GLA: variants seen among roughly 807,000 people sequenced by gnomAD.
GLA encodes the protein alpha-galactosidase A.
Under a neutral mutation model 28.2 loss-of-function variants are expected in GLA, and 4 were observed. The observed-to-expected ratio is 0.14, with a 90% confidence interval of 0.07 to 0.32. The LOEUF (loss-of-function observed/expected upper bound fraction) is 0.32. Among genes scored for constraint, GLA ranks in the 10% least tolerant of loss-of-function variants. GLA has a pLI of 1.00. For synonymous variants in GLA, 94 were observed against 113.0 expected (o/e 0.83, Z 1.07); for missense variants, 203 against 323.7 (o/e 0.63, Z 2.86).
chrX:101,398,962 T>A lies in GLA; in HGVS notation c.640-16A>T, dbSNP rs2071397. ...TATAATTGGGCTGTGAAAACAGATA[T>A]GACTCTTCTGTTTACTTTCTACTAA... On this transcript the variant is annotated splice_polypyrimidine_tract_variant and intron_variant, in intron 4 of 6. Coordinates refer to ENST00000218516, the MANE Select transcript of GLA (RefSeq NM_000169.3). 8 of 1,182,778 alleles carry A rather than the reference T, an allele frequency of 6.8e-6. No individual in the cohort carries two copies. The highest frequency in any genetic ancestry group is 9.2e-6 in the Non-Finnish European group (8 of 870,278).
At position 101,400,201 on chromosome X, in the gene GLA, G is replaced by A. The variant is rs184992071; in HGVS notation, c.639+465C>T. 6.4e-3 allele frequency among the ~76,000 whole-genome samples: 674 copies of A among 105,353 alleles called. 1 individual carries two copies. The highest frequency in any genetic ancestry group is 0.013 in the Admixed American group (126 of 9,860). The allele number at this position is 105,353 out of a possible 115,157, so 91.5% of individuals were successfully genotyped here. A position where few individuals can be genotyped will look rare whatever the true frequency, so the allele number is the denominator to read the frequency against. On this transcript the variant is annotated intron_variant, in intron 4 of 6. Coordinates refer to ENST00000218516, the MANE Select transcript of GLA (RefSeq NM_000169.3). ...TTTTTTATAACTCTGTTAAGTCTCA[G>A]GGTTTTTTTCTTTAAAAAAAAAACT...
intron 1 of GLA, among the ~76,000 whole-genome samples, chrX:101,407,422 AAG>A (rs1444421050): frequency 9.2e-6 from 1 of 108,698 alleles, no homozygotes; most frequent in East Asian, 2.9e-4. Flanking sequence ...GAGAGAGAGA[AAG>A]AGAGAGGAAA....
Position 101,400,771 on chromosome X carries a change from C to T in GLA, c.548-14G>A. ...TGTGCTTATAACCTGTATGAGAAAA[C>T]AATGGGTAAAATAAGGGAAAGAAAT... On this transcript the variant is annotated splice_polypyrimidine_tract_variant and intron_variant, in intron 3 of 6. Coordinates refer to ENST00000218516, the MANE Select transcript of GLA (RefSeq NM_000169.3). 1.1e-6 allele frequency: 1 copy of T among 928,091 alleles called. No homozygotes were observed. The highest frequency in any genetic ancestry group is 1.6e-6 in the Non-Finnish European group (1 of 637,371). 76.5% of individuals were successfully genotyped at this position (928,091 alleles called of 1,213,427 possible). A position where few individuals can be genotyped will look rare whatever the true frequency, so the allele number is the denominator to read the frequency against.
At chrX:101,407,106 C>T (rs1322996974) in intron 1 of GLA, among the ~76,000 whole-genome samples, 2 of 112,371 alleles carry the variant, frequency 1.8e-5, no homozygotes, top group African/African-American at 6.5e-5. Context: ...TCCTCCATGT[C>T]AACCTTCCAG....
rs782141216 is a variant in GLA, at chrX:101,401,536, AGGGTATTTAAAAT to A, written c.547+83_547+95del. On this transcript the variant is annotated intron_variant, in intron 3 of 6. Coordinates refer to ENST00000218516, the MANE Select transcript of GLA (RefSeq NM_000169.3). Reference sequence around the variant, plus strand: ...GAATAATTATTTCCAGTATTGTGACAGGGTATTTAAAATTCTGAAGATTGGTTCTTTGGCTCAG... The same window carrying A: ...GAATAATTATTTCCAGTATTGTGACATCTGAAGATTGGTTCTTTGGCTCAG... 15 of 674,804 alleles carry A rather than the reference AGGGTATTTAAAAT, an allele frequency of 2.2e-5. No individual in the cohort carries two copies. In the African/African-American group the frequency reaches 3.0e-4, roughly 13 times the overall value. 55.6% of individuals were successfully genotyped at this position (674,804 alleles called of 1,213,427 possible). A position where few individuals can be genotyped will look rare whatever the true frequency, so the allele number is the denominator to read the frequency against.
rs1465021475 is a variant in GLA at position 101,398,455 on chromosome X, G to A, written c.914C>T (p.Pro305Leu). Residue 305 changes from proline (P) to leucine (L), a missense_variant, in exon 6 of 7, where the codon CCT (proline) becomes CTT (leucine). By Grantham distance (98) the Pro-to-Leu change is moderately conservative. Around this residue, in one of 3 missense-constraint regions of GLA, gnomAD observed 162 missense variants for 246.8 expected, o/e 0.66. Coordinates refer to ENST00000218516, the MANE Select transcript of GLA (RefSeq NM_000169.3). The stretch of plus-strand genomic sequence containing the variant: ...ATCCTGAAGGAGAGCTTTGGCTTGA[G>A]GGCTGATGTGTCGGAGGTCATTAGA... Reference protein sequence around the residue: ...FMSNDLRHISPQAKALLQDKD... With the variant: ...FMSNDLRHISLQAKALLQDKD... 4.1e-6 allele frequency: 5 copies of A among 1,204,953 alleles called. No homozygotes were observed. The highest frequency in any genetic ancestry group is 5.6e-6 in the Non-Finnish European group (5 of 890,804).
At chrX:101,401,849 C>T (rs961297357) in intron 2 of GLA, 40 bp from the exon 3 acceptor site, 1 of 1,118,355 alleles carries the variant, frequency 8.9e-7, no homozygotes, top group East Asian at 3.0e-5. Context: ...ATTGTAGAAG[C>T]ACAATCGTGA....
At chrX:101,403,247 C>T (rs1241910894) in intron 2 of GLA, among the ~76,000 whole-genome samples, 10 of 96,082 alleles carry the variant, frequency 1.0e-4, no homozygotes, top group African/African-American at 3.9e-4. Flanking sequence ...TGCAGTGAGC[C>T]GAGATCGCAC....
intron 1 of GLA, among the ~76,000 whole-genome samples, chrX:101,405,236 C>CAAAAAAAAAAAAAAA (rs11448515): frequency 2.8e-5 from 1 of 35,569 alleles, no homozygotes; most frequent in Non-Finnish European, 5.8e-5. Flanking sequence ...AACTCCAGCT[C>CAAAAAAAAAAAAAAA]AAAAAAAAAA....
chrX:101,405,681 G>A (rs1421587287), intron 1 of GLA, among the ~76,000 whole-genome samples: 4 of 111,200 alleles, frequency 3.6e-5, no homozygotes, highest in Non-Finnish European at 5.7e-5. Context: ...AGCACTCTGG[G>A]AGGCCAAGGC....
At position 101,401,720 on chromosome X, in the gene GLA, G is replaced by A. The variant is rs1555985819; in HGVS notation, c.459C>T (p.Asp153=). ...AGFPGSFGYY[D]IDAQTFADWG... is the part of the protein sequence containing the mutation. Reference sequence around the variant, plus strand: ...AGTCAGCAAAGGTCTGGGCATCAATGTCGTAGTATCCAAAACTCCCAGGGA... The same window carrying A: ...AGTCAGCAAAGGTCTGGGCATCAATATCGTAGTATCCAAAACTCCCAGGGA... Residue 153 remains aspartate, a synonymous_variant, in exon 3 of 7, where the codon GAC becomes GAT. Coordinates refer to ENST00000218516, the MANE Select transcript of GLA (RefSeq NM_000169.3). 8.3e-7 allele frequency: 1 copy of A among 1,207,843 alleles called. No individual in the cohort carries two copies. Among genetic ancestry groups the A allele is most frequent in the South Asian group, 1.8e-5 (1 of 56,902 alleles).
intron 4 of GLA, among the ~76,000 whole-genome samples, 195 bp downstream of exon 4, chrX:101,400,471 C>T (rs1024401403): frequency 5.4e-5 from 6 of 111,913 alleles, no homozygotes; most frequent in Admixed American, 4.8e-4. Flanking sequence ...GGGGAAGACA[C>T]AAGGATGACT....
chrX:101,407,662 C>T, intron 1 of GLA, 48 bp downstream of exon 1: 1 of 1,124,679 alleles, frequency 8.9e-7, no homozygotes, highest in Admixed American at 2.2e-5. Flanking sequence ...CCAAACACAC[C>T]CAAACACATG....
At chrX:101,402,516 G>A (rs916626864) in intron 2 of GLA, among the ~76,000 whole-genome samples, 3 of 112,247 alleles carry the variant, frequency 2.7e-5, no homozygotes, top group African/African-American at 9.7e-5. Flanking sequence ...TGTAATCCCA[G>A]CACTTTGGGA....
chrX:101,402,654 T>A (rs994031992), intron 2 of GLA, among the ~76,000 whole-genome samples: 1 of 111,223 alleles, frequency 9.0e-6, no homozygotes, highest in Non-Finnish European at 1.9e-5. Context: ...TCCCAGCTAC[T>A]TGGGAGGCTG....
At position 101,397,918 on chromosome X, in the gene GLA, A is replaced by G. The variant is rs886044779; in HGVS notation, c.1181T>C (p.Leu394Pro). 2 of 1,208,972 alleles carry G rather than the reference A, an allele frequency of 1.7e-6. No individual in the cohort carries two copies. Among genetic ancestry groups the G allele is most frequent in the Non-Finnish European group, 2.2e-6 (2 of 893,545 alleles). Residue 394 changes from leucine to proline, a missense_variant, in exon 7 of 7, where the codon CTA becomes CCA. This residue lies in a region of GLA where 162 missense variants were observed against 246.8 expected (regional missense o/e 0.66). Coordinates refer to ENST00000218516, the MANE Select transcript of GLA (RefSeq NM_000169.3). ...ITQLLPVKRK[L>P]GFYEWTSRLR... ...CCTTGAAGTCCATTCATAGAACCCT[A>G]GCTTCCTTTTCACAGGGAGGAGCTG...
At chrX:101,402,093 T>C (rs1928339442) in intron 2 of GLA, among the ~76,000 whole-genome samples, 1 of 112,410 alleles carries the variant, frequency 8.9e-6, no homozygotes, top group Non-Finnish European at 1.9e-5. Flanking sequence ...TCCTGAAAAT[T>C]ACCTTTTGAG....
chrX:101,402,375 C>A (rs961246283), intron 2 of GLA, among the ~76,000 whole-genome samples: 2 of 112,008 alleles, frequency 1.8e-5, no homozygotes. Flanking sequence ...CCACTGACCC[C>A]CTCAATCTGC....
Position 101,407,703 on chromosome X carries a change from C to G in GLA, c.194+7G>C. ...GCAAAGGGAAGGGAGTACCCAATAT[C>G]TGATACCTGATGCAGGAATCTGGCT... On this transcript the variant is annotated splice_region_variant and intron_variant, in intron 1 of 6. Coordinates refer to ENST00000218516, the MANE Select transcript of GLA (RefSeq NM_000169.3). 2 of 1,204,477 alleles carry G rather than the reference C, an allele frequency of 1.7e-6. No individual in the cohort carries two copies. The highest frequency in any genetic ancestry group is 2.3e-6 in the Non-Finnish European group (2 of 888,747).
Sources: gnomAD v4.1 joint callset for allele counts (sites outside exome capture counted in the v4.1 genomes callset) on GRCh38, gnomAD v4.1.1 for gene constraint, gnomAD v4.1.1 regional missense constraint, MANE v1.5 for transcripts, NCBI Gene and HGNC (gene_info 2026-07-23, HGNC 2026-07-21) for gene names.